AP1G1: variants seen among roughly 807,000 people sequenced by gnomAD.
The protein encoded by AP1G1 is AP-1 complex subunit gamma-1.
A neutral mutation model predicts 108.3 loss-of-function variants in AP1G1; 7 were observed. The observed-to-expected ratio is 0.06, with a 90% CI of 0.04 to 0.12. The LOEUF (loss-of-function observed/expected upper bound fraction) is 0.12. AP1G1 is among the 10% of genes least tolerant of loss of function. AP1G1 has a pLI of 1.00. For synonymous variants in AP1G1, 379 were observed against 353.5 expected, an observed-to-expected ratio of 1.07 and a Z score of -0.81; for missense variants, 756 against 1,010.7, an observed-to-expected ratio of 0.75 and a Z score of 3.42.
At chr16:71,801,174 G>A (rs113890013) in intron 1 of AP1G1, among the ~76,000 whole-genome samples, 5,657 of 152,116 alleles carry the variant, frequency 0.037, 349 homozygotes, top group African/African-American at 0.13. Flanking sequence ...GGGTGTGGTG[G>A]CAGGTGCCTA....
chr16:71,770,082 C>T (rs2031512012), intron 5 of AP1G1, among the ~76,000 whole-genome samples: 1 of 152,150 alleles, frequency 6.6e-6, no homozygotes, highest in Non-Finnish European at 1.5e-5. Context: ...AGGCAAAAAT[C>T]TTAGTAAGAT....
chr16:71,772,924 A>G (rs1359668043), intron 4 of AP1G1: 1 of 424,080 alleles, frequency 2.4e-6, no homozygotes. Context: ...AATTATTAGG[A>G]CAAAAGTAAA....
intron 1 of AP1G1, among the ~76,000 whole-genome samples, chr16:71,799,743 C>A (rs987713246): frequency 2.0e-5 from 3 of 150,168 alleles, no homozygotes; most frequent in African/African-American, 7.4e-5. Context: ...ACTAAAAATA[C>A]AGAAAATTAG....
At chr16:71,787,855 A>C (rs953051199) in intron 2 of AP1G1, among the ~76,000 whole-genome samples, 1 of 152,210 alleles carries the variant, frequency 6.6e-6, no homozygotes, top group Non-Finnish European at 1.5e-5. Flanking sequence ...AGAACATATT[A>C]TATTTTTAGA....
Position 71,789,469 on chromosome 16 carries a change from G to C in AP1G1, c.11C>G (p.Pro4Arg). The change falls in exon 2 of 23, where the codon CCC (proline) becomes CGC (arginine). Residue 4 changes from proline to arginine, a missense_variant. By Grantham distance (103) the Pro-to-Arg change is moderately radical. Coordinates refer to ENST00000299980, the MANE Select transcript of AP1G1 (RefSeq NM_001128.6). MPAPIRLRELIRTI... is the reference protein window; with the variant it reads MPARIRLRELIRTI... ...CCGGATCAGCTCCCGCAATCTGATG[G>C]GGGCTGGCATCCTCTGGATATGGAA... 2 of 1,614,078 alleles carry C rather than the reference G, an allele frequency of 1.2e-6. No homozygotes were observed. Among genetic ancestry groups the C allele is most frequent in the Non-Finnish European group, 1.7e-6 (2 of 1,180,008 alleles).
At chr16:71,804,333 A>T (rs1597095884) in intron 1 of AP1G1, among the ~76,000 whole-genome samples, 1 of 151,500 alleles carries the variant, frequency 6.6e-6, no homozygotes, top group Non-Finnish European at 1.5e-5. Context: ...GGCATGAGCC[A>T]CCTCGCCCAG....
chr16:71,747,736 C>T (rs1421594135), intron 16 of AP1G1, among the ~76,000 whole-genome samples: 1 of 152,022 alleles, frequency 6.6e-6, no homozygotes, highest in African/African-American at 2.4e-5. Context: ...AATCCCTGCA[C>T]TTTGGGAGGT....
intron 2 of AP1G1, among the ~76,000 whole-genome samples, chr16:71,782,706 T>C (rs749453111): frequency 1.3e-4 from 20 of 151,872 alleles, no homozygotes; most frequent in African/African-American, 2.2e-4. Flanking sequence ...CAGGATGGTA[T>C]TGAACTCCTG....
intron 8 of AP1G1, 60 bp downstream of exon 8, chr16:71,764,586 A>C (rs1260805962): frequency 2.2e-6 from 3 of 1,383,242 alleles, no homozygotes; most frequent in South Asian, 1.4e-5. Context: ...TATAACCATA[A>C]TCATTCTACT....
In AP1G1 at chr16:71,732,751, T is replaced by C. The variant is rs750620151; in HGVS notation, c.*307A>G. 8 of 265,490 alleles carry C rather than the reference T, an allele frequency of 3.0e-5. No individual in the cohort carries two copies. The highest frequency in any genetic ancestry group is 1.0e-4 in the Admixed American group (2 of 19,910). The allele number at this position is 265,490 out of a possible 1,614,324, so 16.4% of individuals were successfully genotyped here. A position where few individuals can be genotyped will look rare whatever the true frequency, so the allele number is the denominator to read the frequency against. On this transcript the variant is annotated 3_prime_UTR_variant, in exon 23 of 23. Transcript: ENST00000299980. Reference sequence around the variant, plus strand: ...CTCTCCTCCAGACCAGCTGCTTATTTCCTCAGGGGCCCAGGGAATGTTGAT... The same window carrying C: ...CTCTCCTCCAGACCAGCTGCTTATTCCCTCAGGGGCCCAGGGAATGTTGAT...
At chr16:71,750,011 A>C (rs1241521686) in intron 14 of AP1G1, 28 bp from the exon 15 acceptor site, 2 of 1,582,094 alleles carry the variant, frequency 1.3e-6, no homozygotes, top group Admixed American at 1.7e-5. Flanking sequence ...AACGTTTCTC[A>C]AGAACTTCAA....
chr16:71,777,580 A>AT (rs2031838746), intron 2 of AP1G1: 1 of 380,072 alleles, frequency 2.6e-6, no homozygotes, highest in African/African-American at 2.1e-5. Flanking sequence ...GAGGCCTCCC[A>AT]TCCCCAGCCT....
intron 5 of AP1G1, among the ~76,000 whole-genome samples, chr16:71,770,735 G>T (rs916339764): frequency 2.6e-5 from 4 of 152,220 alleles, no homozygotes; most frequent in Admixed American, 1.3e-4. Flanking sequence ...CTCCCAAAGT[G>T]CTGGGATTAC....
chr16:71,770,088 A>G (rs2031512446), intron 5 of AP1G1, among the ~76,000 whole-genome samples: 1 of 152,216 alleles, frequency 6.6e-6, no homozygotes, highest in Non-Finnish European at 1.5e-5. Flanking sequence ...AAATCTTAGT[A>G]AGATTTTACA....
At chr16:71,758,432 T>C (rs373275901) in intron 11 of AP1G1, 10 of 523,740 alleles carry the variant, frequency 1.9e-5, no homozygotes, top group African/African-American at 1.3e-4. Flanking sequence ...AGTGTCAGCA[T>C]TGTGACAAGA....
rs760695448 is a variant in AP1G1 at position 71,769,664 on chromosome 16, T to C, written c.601A>G (p.Met201Val). 1.1e-5 allele frequency: 17 copies of C among 1,613,572 alleles called. No homozygotes were observed. Among genetic ancestry groups the C allele is most frequent in the Non-Finnish European group, 1.4e-5 (17 of 1,179,702 alleles). The change falls in exon 6 of 23, where the codon ATG becomes GTG. Residue 201 changes from methionine to valine, a missense_variant. Around this residue, in one of 3 missense-constraint regions of AP1G1, gnomAD observed 304 missense variants for 483.6 expected, o/e 0.63. Transcript: ENST00000299980. Reference protein sequence around the residue: ...LHTSVVLLTEMCERSPDMLAH... With the variant: ...LHTSVVLLTEVCERSPDMLAH... ...AGCATGTCTGGGCTTCGCTCACACA[T>C]TTCTGTGAGGAGGACTACAGATGTG...
chr16:71,775,054 T>C (rs866016567), intron 2 of AP1G1, among the ~76,000 whole-genome samples: 3 of 142,420 alleles, frequency 2.1e-5, no homozygotes, highest in South Asian at 2.3e-4. Context: ...AGATGGGGTT[T>C]TTGCTCTTGT....
intron 2 of AP1G1, among the ~76,000 whole-genome samples, chr16:71,780,549 A>C (rs1211784695): frequency 6.6e-6 from 1 of 151,790 alleles, no homozygotes; most frequent in Non-Finnish European, 1.5e-5. Context: ...AATCACCTTA[A>C]TGAAAACATG....
chr16:71,742,338 T>C (rs993729734), intron 19 of AP1G1: 3 of 151,980 alleles, frequency 2.0e-5, no homozygotes, highest in African/African-American at 7.2e-5. Flanking sequence ...GGCAGAGGGC[T>C]ACAAAATTTA....
Sources: allele counts gnomAD v4.1 joint callset (sites outside exome capture counted in the v4.1 genomes callset), GRCh38; gene constraint gnomAD v4.1.1; regional missense constraint gnomAD v4.1.1; transcripts MANE v1.5; gene names NCBI Gene and HGNC (gene_info 2026-07-23, HGNC 2026-07-21).